KIF13B: variants seen among roughly 807,000 people sequenced by gnomAD.
The protein encoded by KIF13B is kinesin-like protein KIF13B.
Under a neutral mutation model 222.0 loss-of-function variants are expected in KIF13B, and 127 were observed. The observed-to-expected ratio is 0.57, with a 90% CI of 0.50 to 0.66. The LOEUF (loss-of-function observed/expected upper bound fraction) is 0.66, where lower values mean the gene tolerates loss of function less well. Among genes scored for constraint, KIF13B ranks in the 30% least tolerant of loss-of-function variants. The pLI is 0.00. For missense variants in KIF13B, 2,173 were observed against 2,379.0 expected, an observed-to-expected ratio of 0.91 and a Z score of 1.80; for synonymous variants, 976 against 919.0, an observed-to-expected ratio of 1.06 and a Z score of -1.12.
rs780881097 is a variant in KIF13B, at chr8:29,148,697, C to T, written c.1693G>A (p.Glu565Lys). 7.4e-6 allele frequency: 12 copies of T among 1,611,890 alleles called. No homozygotes were observed. The highest frequency in any genetic ancestry group is 1.7e-5 in the Admixed American group (1 of 59,768). ...DEDQDPSMKN[E>K]NSSEQLDVDG... ...ACATCCAGCTGCTCAGAACTATTCT[C>T]GTTCTTCATGGAGGGATCCTGGTCC... is the stretch of plus-strand genomic sequence containing the variant. Residue 565 changes from glutamate (E) to lysine (K), a missense_variant, in exon 16 of 40, where the codon GAG becomes AAG. Around this residue, in one of 2 missense-constraint regions of KIF13B, gnomAD observed 1,480 missense variants for 1,722.8 expected, o/e 0.86. Coordinates refer to ENST00000524189, the MANE Select transcript of KIF13B (RefSeq NM_015254.4).
intron 12 of KIF13B, among the ~76,000 whole-genome samples, chr8:29,161,931 G>A (rs576140493): frequency 3.3e-5 from 5 of 152,250 alleles, no homozygotes; most frequent in Admixed American, 2.0e-4. Context: ...CACATGGTGA[G>A]CACTCAAAAC....
At chr8:29,228,706 A>T (rs1157468588) in intron 2 of KIF13B, among the ~76,000 whole-genome samples, 1 of 152,040 alleles carries the variant, frequency 6.6e-6, no homozygotes. Flanking sequence ...CTGAGCTTAC[A>T]GGAACAGGTG....
chr8:29,192,702 A>T (rs1187862291), intron 3 of KIF13B, among the ~76,000 whole-genome samples: 1 of 152,234 alleles, frequency 6.6e-6, no homozygotes, highest in Non-Finnish European at 1.5e-5. Flanking sequence ...TTTTTAAGAA[A>T]GAAAATTAGG....
chr8:29,123,304 A>C lies in KIF13B; in HGVS notation c.3479+62T>G. On this transcript the variant is annotated intron_variant, in intron 28 of 39. Coordinates refer to ENST00000524189, the MANE Select transcript of KIF13B (RefSeq NM_015254.4). ...TTAACCGTAGCACACGCAAAATTCA[A>C]GCTAAAAGCAAGTGGCTTGGTGAGC... 3 of 1,587,702 alleles carry C rather than the reference A, an allele frequency of 1.9e-6. No homozygotes were observed. The South Asian group carries it at 3.4e-5, about 18-fold the overall frequency.
intron 10 of KIF13B, among the ~76,000 whole-genome samples, chr8:29,173,304 T>G (rs138676882): frequency 2.4e-4 from 37 of 152,176 alleles, no homozygotes; most frequent in African/African-American, 8.9e-4. Flanking sequence ...TATGGAAAGT[T>G]TGAAGAAGAA....
At chr8:29,092,195 A>G (rs1292881696) in intron 37 of KIF13B, among the ~76,000 whole-genome samples, 1 of 152,222 alleles carries the variant, frequency 6.6e-6, no homozygotes, top group Non-Finnish European at 1.5e-5. Flanking sequence ...ACTATTGCAT[A>G]AGAGCAGCTT....
chr8:29,133,527 GT>G (rs1810434527), intron 22 of KIF13B, among the ~76,000 whole-genome samples: 1 of 152,204 alleles, frequency 6.6e-6, no homozygotes, highest in African/African-American at 2.4e-5. Flanking sequence ...GGAGGCAGGG[GT>G]TGCAGTGAGC....
In KIF13B at chr8:29,084,823, A is replaced by T. The variant is rs1807971873; in HGVS notation, c.4458+7922T>A. On this transcript the variant is annotated intron_variant, in intron 37 of 39. Coordinates refer to ENST00000524189, the MANE Select transcript of KIF13B (RefSeq NM_015254.4). ...TGCTGTCTGAGAAACACACTTGAATATGAGTACAGATTTCATTAATTGCAG... is the reference window on the plus strand; with the variant it reads ...TGCTGTCTGAGAAACACACTTGAATTTGAGTACAGATTTCATTAATTGCAG... Among the ~76,000 whole-genome samples the T allele has an allele frequency of 1.3e-5, 2 of 152,268 alleles. 1 individual carries two copies. Among genetic ancestry groups the T allele is most frequent in the Admixed American group, 1.3e-4 (2 of 15,290 alleles).
intron 24 of KIF13B, among the ~76,000 whole-genome samples, chr8:29,128,928 C>T (rs1810230216): frequency 6.6e-6 from 1 of 152,130 alleles, no homozygotes; most frequent in South Asian, 2.1e-4. Flanking sequence ...CATTCAAGGC[C>T]CTCCGAAACC....
chr8:29,075,349 G>A lies in KIF13B; in HGVS notation c.4459-6C>T. 6.4e-7 allele frequency: 1 copy of A among 1,556,724 alleles called. No homozygotes were observed. The highest frequency in any genetic ancestry group is 8.7e-7 in the Non-Finnish European group (1 of 1,149,798). On this transcript the variant is annotated splice_region_variant and splice_polypyrimidine_tract_variant and intron_variant, in intron 37 of 39. Coordinates refer to ENST00000524189, the MANE Select transcript of KIF13B (RefSeq NM_015254.4). ...ACCATGATGCGGGGCACGGGCTGAG[G>A]AGGCAAGTGTGCAGGTCAGGGGTCG...
intron 7 of KIF13B, among the ~76,000 whole-genome samples, 171 bp from the exon 8 acceptor site, chr8:29,180,409 T>C (rs1812664098): frequency 6.6e-6 from 1 of 152,238 alleles, no homozygotes; most frequent in Non-Finnish European, 1.5e-5. Flanking sequence ...TAGCCAATAC[T>C]GTCTCTGAAA....
At chr8:29,102,737 G>A (rs1430335315) in intron 35 of KIF13B, among the ~76,000 whole-genome samples, 1 of 152,202 alleles carries the variant, frequency 6.6e-6, no homozygotes, top group East Asian at 1.9e-4. Context: ...AGTGACTCAT[G>A]CTTGGCATCT....
intron 13 of KIF13B, among the ~76,000 whole-genome samples, chr8:29,156,460 C>G (rs1424287763): frequency 2.0e-5 from 3 of 152,052 alleles, no homozygotes; most frequent in African/African-American, 7.2e-5. Context: ...TACTTTAGTT[C>G]CGTTTTTTTC....
At chr8:29,105,650 GTT>G (rs869030059) in intron 35 of KIF13B, among the ~76,000 whole-genome samples, 9 of 78,056 alleles carry the variant, frequency 1.2e-4, no homozygotes, top group African/African-American at 3.9e-4. Flanking sequence ...AGTTTGTTTG[GTT>G]TTTTTTTTTT....
At position 29,243,565 on chromosome 8, in the gene KIF13B, A is replaced by G. The variant is rs1815877714; in HGVS notation, c.149+1781T>C. 2.6e-5 allele frequency among the ~76,000 whole-genome samples: 4 copies of G among 151,888 alleles called. No individual in the cohort carries two copies. The South Asian group carries it at 8.3e-4, about 32-fold the overall frequency. On this transcript the variant is annotated intron_variant, in intron 2 of 39. Transcript: ENST00000524189. ...CAGCTACTTGGGAGGCTGAGGCATG[A>G]GAATTGCTTGAGCCCAGGAAGCGGA...
At chr8:29,169,602 C>T (rs1347197149) in intron 10 of KIF13B, among the ~76,000 whole-genome samples, 1 of 152,124 alleles carries the variant, frequency 6.6e-6, no homozygotes, top group Non-Finnish European at 1.5e-5. Context: ...AATTATATTG[C>T]TGAAGAAAAT....
At chr8:29,227,121 C>G (rs556760821) in intron 2 of KIF13B, among the ~76,000 whole-genome samples, 1 of 152,218 alleles carries the variant, frequency 6.6e-6, no homozygotes, top group African/African-American at 2.4e-5. Context: ...TTTGATGTAC[C>G]TTATTCAATA....
At chr8:29,256,590 G>C (rs1027692106) in intron 1 of KIF13B, among the ~76,000 whole-genome samples, 1 of 152,124 alleles carries the variant, frequency 6.6e-6, no homozygotes, top group Non-Finnish European at 1.5e-5. Context: ...AGTTTATCCT[G>C]CACATCTTTG....
intron 29 of KIF13B, among the ~76,000 whole-genome samples, chr8:29,121,123 A>G (rs1809839570): frequency 6.6e-6 from 1 of 151,688 alleles, no homozygotes; most frequent in Admixed American, 6.6e-5. Flanking sequence ...GAAAATGGCC[A>G]TACTGCCCAA....
Sources: gnomAD v4.1 joint callset for allele counts (sites outside exome capture counted in the v4.1 genomes callset) on GRCh38, gnomAD v4.1.1 for gene constraint, gnomAD v4.1.1 regional missense constraint, MANE v1.5 for transcripts, NCBI Gene and HGNC (gene_info 2026-07-23, HGNC 2026-07-21) for gene names.